RHBDL3: variants seen among roughly 807,000 people sequenced by gnomAD.
The protein encoded by RHBDL3 is rhomboid like 3.
A neutral mutation model predicts 48.2 loss-of-function variants in RHBDL3; 28 were observed. The ratio of observed to expected loss-of-function variants is 0.58; its 90% CI spans 0.43 to 0.80. The LOEUF (loss-of-function observed/expected upper bound fraction) is 0.80, where lower values mean the gene tolerates loss of function less well. Ranked by LOEUF, RHBDL3 falls within the 30% of genes least tolerant of loss-of-function variation. RHBDL3 has a pLI of 0.00. For synonymous variants in RHBDL3, 208 were observed against 232.3 expected (o/e 0.90, Z 0.95); for missense variants, 464 against 542.7 (o/e 0.85, Z 1.44).
At chr17:32,267,949 TTTCCTTCCAGCCCTCCC>T in intron 2 of RHBDL3, 24 bp downstream of exon 2, 1 of 1,567,892 alleles carries the variant, frequency 6.4e-7, no homozygotes, top group Non-Finnish European at 8.8e-7. Context: ...TAACCCCCCA[TTTCCTTCCAGCCCTCCC>T]TGAAATCGGT....
chr17:32,278,590 A>C (rs1017218035), intron 2 of RHBDL3, among the ~76,000 whole-genome samples: 3 of 152,192 alleles, frequency 2.0e-5, no homozygotes, highest in Non-Finnish European at 4.4e-5. Context: ...CTCTTTAGCC[A>C]CAGCACTCTA....
chr17:32,315,424 T>G (rs2040947337), intron 7 of RHBDL3, among the ~76,000 whole-genome samples: 1 of 152,242 alleles, frequency 6.6e-6, no homozygotes, highest in African/African-American at 2.4e-5. Flanking sequence ...AGTCCTTTTG[T>G]AAAGCGAATA....
intron 2 of RHBDL3, among the ~76,000 whole-genome samples, chr17:32,277,493 G>A (rs1196527611): frequency 1.3e-5 from 2 of 152,218 alleles, no homozygotes; most frequent in African/African-American, 2.4e-5. Context: ...CAGCTCCAGC[G>A]GGGTTTGCTC....
chr17:32,293,962 T>C (rs1376618064), intron 4 of RHBDL3, among the ~76,000 whole-genome samples: 1 of 152,024 alleles, frequency 6.6e-6, no homozygotes, highest in Admixed American at 6.6e-5. Flanking sequence ...ACCCAGTCTC[T>C]ACTAAAAAAT....
chr17:32,276,439 G>A (rs966965814), intron 2 of RHBDL3, among the ~76,000 whole-genome samples: 2 of 152,156 alleles, frequency 1.3e-5, no homozygotes, highest in East Asian at 1.9e-4. Flanking sequence ...CCTAATTTAC[G>A]GGGCTGTAAA....
intron 8 of RHBDL3, among the ~76,000 whole-genome samples, chr17:32,319,312 C>T (rs1285973724): frequency 1.3e-5 from 2 of 148,764 alleles, no homozygotes; most frequent in Non-Finnish European, 3.0e-5. Context: ...GTCCCAGCTA[C>T]TGGGGAGGCT....
chr17:32,313,924 T>C (rs1271230962), intron 7 of RHBDL3, among the ~76,000 whole-genome samples: 1 of 151,840 alleles, frequency 6.6e-6, no homozygotes, highest in Non-Finnish European at 1.5e-5. Flanking sequence ...GCCCAGCTAA[T>C]TTTTTTGTAT....
intron 4 of RHBDL3, among the ~76,000 whole-genome samples, chr17:32,291,982 G>A (rs576886029): frequency 1.3e-5 from 2 of 152,098 alleles, no homozygotes; most frequent in South Asian, 4.2e-4. Context: ...ACATTGGTCA[G>A]TCTGGTCTCA....
intron 8 of RHBDL3, among the ~76,000 whole-genome samples, chr17:32,320,670 G>T (rs1205293953): frequency 6.6e-6 from 1 of 152,218 alleles, no homozygotes; most frequent in Non-Finnish European, 1.5e-5. Context: ...CCGGGCTAAA[G>T]AATTTCCCTC....
At chr17:32,320,531 C>T (rs541234305) in intron 8 of RHBDL3, among the ~76,000 whole-genome samples, 1 of 152,232 alleles carries the variant, frequency 6.6e-6, no homozygotes, top group East Asian at 1.9e-4. Context: ...ACCATGTTGG[C>T]CAGGCTGGTC....
intron 2 of RHBDL3, chr17:32,280,883 CCA>C (rs2040025720): frequency 6.5e-6 from 1 of 153,220 alleles, no homozygotes; most frequent in South Asian, 2.1e-4. Context: ...TCTCTCTCCC[CCA>C]CGCCCCATAC....
chr17:32,313,981 T>A (rs553750531), intron 7 of RHBDL3, among the ~76,000 whole-genome samples: 2 of 152,204 alleles, frequency 1.3e-5, no homozygotes, highest in Admixed American at 1.3e-4. Context: ...ATGGTCTCGA[T>A]CTCCTTTGAC....
At chr17:32,319,114 CTTG>C (rs1052254386) in intron 8 of RHBDL3, among the ~76,000 whole-genome samples, 97 of 150,450 alleles carry the variant, frequency 6.4e-4, no homozygotes, top group South Asian at 4.2e-4. Flanking sequence ...AAGCACGAGT[CTTG>C]TTGTTTAAAA....
chr17:32,269,474 G>T (rs1449112768), intron 2 of RHBDL3, among the ~76,000 whole-genome samples: 1 of 152,256 alleles, frequency 6.6e-6, no homozygotes, highest in African/African-American at 2.4e-5. Flanking sequence ...TGATGACACG[G>T]AATTGCAGCG....
intron 2 of RHBDL3, among the ~76,000 whole-genome samples, chr17:32,273,277 C>A (rs149205633): frequency 0.011 from 1,687 of 152,316 alleles, 26 homozygotes; most frequent in African/African-American, 0.039. Context: ...ACTGGGATTA[C>A]AGGCGCGAGC....
At chr17:32,305,516 T>C in intron 7 of RHBDL3, 75 bp downstream of exon 7, 5 of 1,097,208 alleles carry the variant, frequency 4.6e-6, no homozygotes, top group Non-Finnish European at 7.0e-6. Context: ...ATTAATCCAC[T>C]GGGGCTGGCT....
chr17:32,306,135 A>G (rs531614498), intron 7 of RHBDL3, among the ~76,000 whole-genome samples: 1 of 152,270 alleles, frequency 6.6e-6, no homozygotes, highest in South Asian at 2.1e-4. Flanking sequence ...TTCAAGAGTC[A>G]TTTCCCGGCC....
In RHBDL3 at chr17:32,280,622, G is replaced by T. The variant is rs1567765921; in HGVS notation, c.136-4037G>T. The T allele has an allele frequency of 3.3e-5, 5 of 152,220 alleles. No individual in the cohort carries two copies. In the East Asian group the frequency reaches 7.8e-4, roughly 24 times the overall value. 9.4% of individuals were successfully genotyped at this position (152,220 alleles called of 1,614,324 possible). A position where few individuals can be genotyped will look rare whatever the true frequency, so the allele number is the denominator to read the frequency against. On this transcript the variant is annotated intron_variant, in intron 2 of 8. Transcript: ENST00000269051. ...GCCCTGGTGAGCTGCTGCCCTGCGAGAGGAAGGTAGCCCACTTTGTAGATG... is the reference window on the plus strand; with the variant it reads ...GCCCTGGTGAGCTGCTGCCCTGCGATAGGAAGGTAGCCCACTTTGTAGATG...
intron 2 of RHBDL3, among the ~76,000 whole-genome samples, chr17:32,273,934 C>T (rs2039835031): frequency 6.6e-6 from 1 of 152,146 alleles, no homozygotes; most frequent in South Asian, 2.1e-4. Context: ...CAGGGTTTCA[C>T]CATGTTGGCC....
Sources: gnomAD v4.1 joint callset for allele counts (sites outside exome capture counted in the v4.1 genomes callset) on GRCh38, gnomAD v4.1.1 for gene constraint, MANE v1.5 for transcripts, NCBI Gene and HGNC (gene_info 2026-07-23, HGNC 2026-07-21) for gene names.